ASTN2: variants seen among roughly 807,000 people sequenced by gnomAD.
ASTN2 encodes astrotactin-2.
A neutral mutation model predicts 139.8 loss-of-function variants in ASTN2; 54 were observed. The ratio of observed to expected loss-of-function variants is 0.39; its 90% CI spans 0.31 to 0.48. The LOEUF is 0.48. Among genes scored for constraint, ASTN2 ranks in the 20% least tolerant of loss-of-function variants. The pLI is 0.95. For synonymous variants in ASTN2, 756 were observed against 719.5 expected (o/e 1.05, Z -0.81); for missense variants, 1,565 against 1,725.1 (o/e 0.91, Z 1.64).
intron 1 of ASTN2, among the ~76,000 whole-genome samples, chr9:117,372,428 G>C (rs1830013730): frequency 6.6e-6 from 1 of 152,142 alleles, no homozygotes; most frequent in Admixed American, 6.6e-5. Context: ...CCATTTGAGA[G>C]GTGAGGGATG....
At chr9:116,800,534 C>G (rs1830820206) in intron 13 of ASTN2, among the ~76,000 whole-genome samples, 1 of 152,166 alleles carries the variant, frequency 6.6e-6, no homozygotes, top group Non-Finnish European at 1.5e-5. Context: ...TGGTCTTTGC[C>G]TAAGATCCCT....
chr9:117,291,383 G>T lies in ASTN2; in HGVS notation c.573C>A (p.Leu191=). 6.2e-7 allele frequency: 1 copy of T among 1,614,234 alleles called. No homozygotes were observed. Among genetic ancestry groups the T allele is most frequent in the South Asian group, 1.1e-5 (1 of 91,086 alleles). ...CCTCAACAATCTCCGAGGGCTCCTG[G>T]AGAGTGGGGGCGGTGGCTTGGGCCA... ...GQLAQATAPT[L]QEPSEIVEEQ... The change falls in exon 2 of 23, where the codon CTC becomes CTA. Residue 191 remains leucine (L), a synonymous_variant. Coordinates refer to ENST00000313400, the MANE Select transcript of ASTN2 (RefSeq NM_001365068.1).
chr9:116,731,085 C>A (rs189171932), intron 14 of ASTN2, among the ~76,000 whole-genome samples: 1 of 151,842 alleles, frequency 6.6e-6, no homozygotes. Flanking sequence ...GTTACTCTAT[C>A]GCTGACTCTC....
intron 5 of ASTN2, among the ~76,000 whole-genome samples, chr9:117,060,426 GGAAGGA>G (rs770870029): frequency 8.6e-5 from 8 of 92,802 alleles, no homozygotes; most frequent in South Asian, 4.5e-4. Context: ...AAGGAAGGAA[GGAAGGA>G]AGAGAGAGAG....
chr9:117,389,312 C>A (rs1354254654), intron 1 of ASTN2, among the ~76,000 whole-genome samples: 1 of 152,142 alleles, frequency 6.6e-6, no homozygotes, highest in Non-Finnish European at 1.5e-5. Context: ...GATGGGAACA[C>A]ACAAACCTAA....
chr9:117,353,646 A>G (rs1162576621), intron 1 of ASTN2, among the ~76,000 whole-genome samples: 1 of 152,144 alleles, frequency 6.6e-6, no homozygotes, highest in African/African-American at 2.4e-5. Flanking sequence ...TTACCAGCAC[A>G]ACCTCCAACC....
chr9:116,578,449 C>G (rs1853811732), intron 19 of ASTN2, among the ~76,000 whole-genome samples: 1 of 151,854 alleles, frequency 6.6e-6, no homozygotes, highest in South Asian at 2.1e-4. Context: ...GACAAATGTT[C>G]TAAGAACATT....
intron 11 of ASTN2, 46 bp downstream of exon 11, chr9:116,863,537 T>C: frequency 6.2e-7 from 1 of 1,601,118 alleles, no homozygotes; most frequent in East Asian, 2.2e-5. Context: ...GCAGGTGGCC[T>C]TAGCCCCTGG....
Position 116,442,524 on chromosome 9 carries a change from C to T in ASTN2, c.3527G>A (p.Gly1176Glu). 2 of 1,614,102 alleles carry T rather than the reference C, an allele frequency of 1.2e-6. No homozygotes were observed. Among genetic ancestry groups the T allele is most frequent in the Non-Finnish European group, 1.7e-6 (2 of 1,180,034 alleles). ...CACCGTGCTTAGCTCTGAGTGCCTC[C>T]CTCGTGTATCCACAGCATACAGAGT... ...KFTLYAVDTR[G>E]RHSELSTVTL... is the part of the protein sequence containing the mutation. Residue 1176 changes from glycine to glutamate, a missense_variant, in exon 21 of 23, where the codon GGG becomes GAG. Gly to Glu is a moderately conservative substitution (Grantham distance 98, BLOSUM62 -2). This residue lies in a region of ASTN2 where 418 missense variants were observed against 465.8 expected (regional missense o/e 0.90). Transcript: ENST00000313400.
chr9:117,173,151 T>C (rs1300552712), intron 3 of ASTN2, among the ~76,000 whole-genome samples: 1 of 152,170 alleles, frequency 6.6e-6, no homozygotes, highest in African/African-American at 2.4e-5. Context: ...ATTACTTAAT[T>C]GTAAAACACC....
chr9:116,621,713 C>A (rs1856166175), intron 17 of ASTN2, among the ~76,000 whole-genome samples: 1 of 152,142 alleles, frequency 6.6e-6, no homozygotes, highest in South Asian at 2.1e-4. Context: ...TCCTGTGGGA[C>A]CTAGCACAGT....
chr9:116,625,647 T>C (rs1283599760), intron 17 of ASTN2, among the ~76,000 whole-genome samples: 1 of 152,124 alleles, frequency 6.6e-6, no homozygotes, highest in Non-Finnish European at 1.5e-5. Flanking sequence ...TTCAACCTCC[T>C]TTGTTCTTCA....
intron 10 of ASTN2, among the ~76,000 whole-genome samples, chr9:116,973,646 T>C (rs1183380408): frequency 2.0e-5 from 3 of 152,214 alleles, no homozygotes; most frequent in Non-Finnish European, 4.4e-5. Context: ...AACCAGATGG[T>C]CCTTGCTTTA....
chr9:116,590,271 T>C lies in ASTN2; in HGVS notation c.3355+28053A>G, dbSNP rs139383182. Among the ~76,000 whole-genome samples the C allele has an allele frequency of 1.1e-4, 16 of 152,276 alleles. No homozygotes were observed. In the East Asian group the frequency reaches 3.1e-3, roughly 29 times the overall value. On this transcript the variant is annotated intron_variant, in intron 19 of 22. Coordinates refer to ENST00000313400, the MANE Select transcript of ASTN2 (RefSeq NM_001365068.1). ...GGGATCACCCCCTTCCCCCACAGGC[T>C]CAGAAATACCTGCTCCCACTGCCTG...
At chr9:116,751,243 G>T (rs1239705226) in intron 13 of ASTN2, among the ~76,000 whole-genome samples, 1 of 152,190 alleles carries the variant, frequency 6.6e-6, no homozygotes, top group Non-Finnish European at 1.5e-5. Context: ...TAGCCTGTGT[G>T]CTTCATGGGG....
chr9:117,328,379 A>T (rs1417633540), intron 1 of ASTN2, among the ~76,000 whole-genome samples: 2 of 152,164 alleles, frequency 1.3e-5, no homozygotes, highest in African/African-American at 4.8e-5. Context: ...AGAAAGAAAG[A>T]AAAGTAAGAT....
intron 3 of ASTN2, among the ~76,000 whole-genome samples, chr9:117,166,219 G>A (rs1022150233): frequency 6.6e-6 from 1 of 151,958 alleles, no homozygotes; most frequent in South Asian, 2.1e-4. Context: ...CAGTGGAAGG[G>A]AAAAAGAGAC....
chr9:116,989,827 G>T, intron 7 of ASTN2, among the ~76,000 whole-genome samples: 1 of 151,998 alleles, frequency 6.6e-6, no homozygotes, highest in East Asian at 1.9e-4. Flanking sequence ...CAGGTGATCC[G>T]CCTGCCTCGG....
chr9:116,508,739 G>T (rs1384400420), intron 19 of ASTN2, among the ~76,000 whole-genome samples: 1 of 152,174 alleles, frequency 6.6e-6, no homozygotes. Flanking sequence ...AAAGATCTAA[G>T]ATCTGGAACC....
Sources: gnomAD v4.1 joint callset for allele counts (sites outside exome capture counted in the v4.1 genomes callset) on GRCh38, gnomAD v4.1.1 for gene constraint, gnomAD v4.1.1 regional missense constraint, MANE v1.5 for transcripts, NCBI Gene and HGNC (gene_info 2026-07-23, HGNC 2026-07-21) for gene names.